Variants in NRG3 observed in about 807,000 individuals in gnomAD.
NRG3 encodes the protein pro-neuregulin-3, membrane-bound isoform.
In NRG3, 31 loss-of-function variants were observed where a neutral mutation model predicts 66.9. That is an observed-to-expected ratio of 0.46 (90% confidence interval 0.35 to 0.63). The LOEUF is 0.63. Ranked by LOEUF, NRG3 falls within the 20% of genes least tolerant of loss-of-function variation. The pLI, the probability that NRG3 is intolerant of heterozygous loss-of-function variation, is 0.00. For missense variants in NRG3, 910 were observed against 878.9 expected (o/e 1.04, Z -0.45); for synonymous variants, 393 against 359.4 (o/e 1.09, Z -1.06).
intron 2 of NRG3, among the ~76,000 whole-genome samples, chr10:82,379,320 T>C (rs2085460854): frequency 6.6e-6 from 1 of 151,998 alleles, no homozygotes; most frequent in Admixed American, 6.6e-5. Flanking sequence ...AGCCAACGCT[T>C]GGGGGGAAAT....
intron 3 of NRG3, among the ~76,000 whole-genome samples, chr10:82,837,540 G>A (rs1255740778): frequency 2.0e-5 from 3 of 152,106 alleles, no homozygotes; most frequent in African/African-American, 4.8e-5. Flanking sequence ...AAAAAATAAA[G>A]GGAAGTTAAC....
intron 1 of NRG3, among the ~76,000 whole-genome samples, chr10:82,005,590 A>G (rs1033242724): frequency 6.6e-6 from 1 of 152,170 alleles, no homozygotes; most frequent in African/African-American, 2.4e-5. Flanking sequence ...TTCCTGATAC[A>G]AACACCTGAA....
intron 1 of NRG3, among the ~76,000 whole-genome samples, chr10:81,881,037 A>G (rs1228187069): frequency 6.6e-6 from 1 of 152,176 alleles, no homozygotes; most frequent in African/African-American, 2.4e-5. Flanking sequence ...TCTTCATGCA[A>G]TTATAAATAA....
intron 3 of NRG3, among the ~76,000 whole-genome samples, chr10:82,774,611 G>T (rs1461717853): frequency 6.6e-6 from 1 of 151,642 alleles, no homozygotes; most frequent in Admixed American, 6.6e-5. Context: ...TGAGGCATCT[G>T]TTATAAGGTC....
intron 1 of NRG3, among the ~76,000 whole-genome samples, chr10:82,034,921 A>G (rs956726824): frequency 2.0e-5 from 3 of 151,850 alleles, no homozygotes; most frequent in Admixed American, 6.6e-5. Flanking sequence ...ATCTTTCTAT[A>G]CTTCTTTTCT....
At chr10:82,377,839 T>A (rs1471576251) in intron 2 of NRG3, among the ~76,000 whole-genome samples, 2 of 152,300 alleles carry the variant, frequency 1.3e-5, no homozygotes, top group Middle Eastern at 3.4e-3. Context: ...CAAATAACGT[T>A]TACAAATCAG....
intron 1 of NRG3, among the ~76,000 whole-genome samples, chr10:82,289,581 T>G (rs1005045056): frequency 6.6e-6 from 1 of 152,236 alleles, no homozygotes; most frequent in Non-Finnish European, 1.5e-5. Context: ...ATAAAAGATT[T>G]AATTTACTGA....
intron 1 of NRG3, among the ~76,000 whole-genome samples, chr10:82,042,604 A>C (rs1348809198): frequency 6.6e-6 from 1 of 152,108 alleles, no homozygotes; most frequent in Non-Finnish European, 1.5e-5. Context: ...TTATAAACAC[A>C]TAATACATTT....
intron 1 of NRG3, among the ~76,000 whole-genome samples, chr10:82,031,606 C>T (rs1013271753): frequency 1.3e-5 from 2 of 151,942 alleles, no homozygotes; most frequent in Non-Finnish European, 2.9e-5. Context: ...ACATGATATC[C>T]TGTGGTTGAA....
At chr10:82,260,156 A>G (rs1465242733) in intron 1 of NRG3, among the ~76,000 whole-genome samples, 1 of 152,194 alleles carries the variant, frequency 6.6e-6, no homozygotes, top group East Asian at 1.9e-4. Context: ...ATACATCTTC[A>G]TAGTCAGGCT....
chr10:81,881,990 CT>C (rs1417416223), intron 1 of NRG3, among the ~76,000 whole-genome samples: 2 of 152,058 alleles, frequency 1.3e-5, no homozygotes, highest in African/African-American at 4.8e-5. Context: ...AACAACTTAC[CT>C]TTTGGAGTTT....
chr10:82,458,526 G>A (rs978311423), intron 2 of NRG3, among the ~76,000 whole-genome samples: 1 of 152,142 alleles, frequency 6.6e-6, no homozygotes, highest in Non-Finnish European at 1.5e-5. Context: ...CCGGCTTCTG[G>A]AAGAGAGATG....
In NRG3 at chr10:82,516,513, G is replaced by A. The variant is rs899499422; in HGVS notation, c.953+157645G>A. The stretch of plus-strand genomic sequence containing the variant: ...TATCATCCACACACACACAAATAAT[G>A]CATAATGACCTTTTGGGTAGATTTT... On this transcript the variant is annotated intron_variant, in intron 2 of 8. Coordinates refer to ENST00000372141, the MANE Select transcript of NRG3 (RefSeq NM_001010848.4). 4.6e-5 allele frequency among the ~76,000 whole-genome samples: 7 copies of A among 152,072 alleles called. No individual in the cohort carries two copies. The South Asian group carries it at 1.4e-3, about 31-fold the overall frequency.
intron 2 of NRG3, among the ~76,000 whole-genome samples, chr10:82,575,803 A>G (rs954966460): frequency 6.6e-6 from 1 of 151,758 alleles, no homozygotes; most frequent in African/African-American, 2.4e-5. Flanking sequence ...TAGCAACATA[A>G]TTTCGGACAA....
At chr10:82,454,143 G>A in intron 2 of NRG3, among the ~76,000 whole-genome samples, 1 of 152,150 alleles carries the variant, frequency 6.6e-6, no homozygotes, top group East Asian at 1.9e-4. Flanking sequence ...TGGGTATTTT[G>A]TTCTTTAGTC....
At chr10:82,525,209 A>G (rs1846579287) in intron 2 of NRG3, among the ~76,000 whole-genome samples, 1 of 151,926 alleles carries the variant, frequency 6.6e-6, no homozygotes, top group Non-Finnish European at 1.5e-5. Context: ...AGAGAGAGGT[A>G]CCTAAAAAAG....
At chr10:82,288,048 T>TA (rs2079522937) in intron 1 of NRG3, among the ~76,000 whole-genome samples, 2 of 152,216 alleles carry the variant, frequency 1.3e-5, no homozygotes, top group South Asian at 4.1e-4. Flanking sequence ...TATGTGATTA[T>TA]AAGGGGAGCC....
intron 2 of NRG3, among the ~76,000 whole-genome samples, chr10:82,692,935 TG>T (rs1264902105): frequency 2.0e-5 from 3 of 152,188 alleles, no homozygotes; most frequent in Non-Finnish European, 4.4e-5. Flanking sequence ...CCCTGAATGC[TG>T]GCCAACAGAG....
chr10:82,415,159 G>C lies in NRG3; in HGVS notation c.953+56291G>C, dbSNP rs570061520. Among the ~76,000 whole-genome samples, 20 of 152,282 alleles carry C rather than the reference G, an allele frequency of 1.3e-4. No homozygotes were observed. In the South Asian group the frequency reaches 4.1e-3, roughly 32 times the overall value. On this transcript the variant is annotated intron_variant, in intron 2 of 8. Transcript: ENST00000372141. ...TTACAAATAATGAGTTGCAGATACT[G>C]CTGGATTATATGGGTAAAAATGCTC...
Sources: gnomAD v4.1 joint callset for allele counts (sites outside exome capture counted in the v4.1 genomes callset) on GRCh38, gnomAD v4.1.1 for gene constraint, MANE v1.5 for transcripts, NCBI Gene and HGNC (gene_info 2026-07-23, HGNC 2026-07-21) for gene names.